Variants in PLEKHM3 observed in about 807,000 individuals in gnomAD.
The protein encoded by PLEKHM3 is pleckstrin homology domain-containing family M member 3.
A neutral mutation model predicts 81.8 loss-of-function variants in PLEKHM3; 45 were observed. The observed-to-expected ratio is 0.55, with a 90% confidence interval of 0.43 to 0.71. The LOEUF is 0.71. PLEKHM3 is among the 30% of genes least tolerant of loss of function. The pLI, the probability that PLEKHM3 is intolerant of heterozygous loss-of-function variation, is 0.00. For missense variants in PLEKHM3, 788 were observed against 924.3 expected (o/e 0.85, Z 1.91); for synonymous variants, 352 against 356.4 (o/e 0.99, Z 0.14).
At chr2:208,008,006 T>A (rs1473870482) in intron 1 of PLEKHM3, among the ~76,000 whole-genome samples, 1 of 152,074 alleles carries the variant, frequency 6.6e-6, no homozygotes, top group Non-Finnish European at 1.5e-5. Flanking sequence ...TGAGCCAAGA[T>A]TGCACCACTG....
intron 6 of PLEKHM3, chr2:207,868,595 A>G (rs962298640): frequency 2.0e-5 from 3 of 152,244 alleles, no homozygotes; most frequent in Non-Finnish European, 4.4e-5. Context: ...GGTTGAGAGA[A>G]GGATCAGATT....
chr2:207,976,085 G>A lies in PLEKHM3; in HGVS notation c.1546+566C>T, dbSNP rs912469431. 6.6e-6 allele frequency among the ~76,000 whole-genome samples: 1 copy of A among 152,160 alleles called. No homozygotes were observed. Among genetic ancestry groups the A allele is most frequent in the African/African-American group, 2.4e-5 (1 of 41,424 alleles). On this transcript the variant is annotated intron_variant, in intron 3 of 7. Transcript: ENST00000427836. This position sits in a 1 kb window ranked among gnomAD's most constrained non-coding sequence, Gnocchi z 4.1. ...TCCCCATGATGGGCATAAGCCCATA[G>A]TGACTCAGTGGTCATCTGCTGAATC...
intron 2 of PLEKHM3, among the ~76,000 whole-genome samples, chr2:207,995,462 C>T (rs1306298200): frequency 6.6e-6 from 1 of 152,170 alleles, no homozygotes; most frequent in African/African-American, 2.4e-5. Context: ...GACTGAGGAC[C>T]ACTAGCTTCC....
chr2:207,870,726 C>T (rs1013477265), intron 6 of PLEKHM3, among the ~76,000 whole-genome samples: 1 of 152,236 alleles, frequency 6.6e-6, no homozygotes, highest in East Asian at 1.9e-4. Context: ...TCTGCTCAAG[C>T]TTGAAAATCC....
intron 7 of PLEKHM3, among the ~76,000 whole-genome samples, chr2:207,845,593 A>T (rs1422853606): frequency 6.6e-6 from 1 of 152,210 alleles, no homozygotes; most frequent in East Asian, 1.9e-4. Flanking sequence ...CATCTCCAAC[A>T]TATGATAAGG....
intron 5 of PLEKHM3, among the ~76,000 whole-genome samples, chr2:207,928,342 C>T (rs1689475557): frequency 6.6e-6 from 1 of 152,228 alleles, no homozygotes; most frequent in African/African-American, 2.4e-5. Flanking sequence ...CTCTCCCTTG[C>T]TCACTCCTTT....
At chr2:207,912,539 T>C (rs1688841557) in intron 5 of PLEKHM3, among the ~76,000 whole-genome samples, 1 of 152,162 alleles carries the variant, frequency 6.6e-6, no homozygotes, top group African/African-American at 2.4e-5. Context: ...GTCCAAGAGA[T>C]TTAGTGGTGG....
chr2:207,995,030 A>C (rs369535755), intron 2 of PLEKHM3, among the ~76,000 whole-genome samples: 12 of 152,074 alleles, frequency 7.9e-5, no homozygotes, highest in African/African-American at 2.7e-4. Flanking sequence ...AAGCATAATA[A>C]TTTTTTTTAA....
chr2:207,964,353 C>G (rs969435022), intron 3 of PLEKHM3, among the ~76,000 whole-genome samples: 17 of 152,286 alleles, frequency 1.1e-4, no homozygotes, highest in African/African-American at 4.1e-4. Context: ...CATCCCTACC[C>G]AAATCATACT....
intron 6 of PLEKHM3, among the ~76,000 whole-genome samples, chr2:207,865,793 A>T (rs1443097637): frequency 3.4e-4 from 13 of 37,776 alleles, no homozygotes; most frequent in African/African-American, 1.9e-3. Context: ...AAAAAAAAAA[A>T]AAAAAAAAAG....
chr2:207,889,549 T>A (rs1687989252), intron 6 of PLEKHM3, among the ~76,000 whole-genome samples: 1 of 150,922 alleles, frequency 6.6e-6, no homozygotes, highest in African/African-American at 2.4e-5. Flanking sequence ...AAACCTATAA[T>A]TTATGGAAAG....
At chr2:207,978,814 A>G (rs1474889693) in intron 2 of PLEKHM3, among the ~76,000 whole-genome samples, 1 of 152,192 alleles carries the variant, frequency 6.6e-6, no homozygotes, top group Non-Finnish European at 1.5e-5. Context: ...AGTATCAGGT[A>G]TCACTACTAA....
rs1285370872 is a variant in PLEKHM3 at position 208,001,068 on chromosome 2, G to C, written c.572C>G (p.Pro191Arg). 6.4e-7 allele frequency: 1 copy of C among 1,562,124 alleles called. No homozygotes were observed. Among genetic ancestry groups the C allele is most frequent in the Admixed American group, 1.9e-5 (1 of 51,636 alleles). Reference sequence around the variant, plus strand: ...AGCATCTTCTATCTTATTTGGTGAGGGCAACAGAAAAGATGGCCTGGTGAC... The same window carrying C: ...AGCATCTTCTATCTTATTTGGTGAGCGCAACAGAAAAGATGGCCTGGTGAC... ...PHVTRPSFLL[P>R]SPNKIEDAQG... The change falls in exon 2 of 8, where the codon CCC (proline) becomes CGC (arginine). Residue 191 changes from proline (P) to arginine (R), a missense_variant. By Grantham distance (103) the Pro-to-Arg change is moderately radical. Transcript: ENST00000427836.
At chr2:207,963,852 G>C (rs996791840) in intron 3 of PLEKHM3, among the ~76,000 whole-genome samples, 1 of 152,122 alleles carries the variant, frequency 6.6e-6, no homozygotes, top group Non-Finnish European at 1.5e-5. Flanking sequence ...ATATATAGAA[G>C]AAATAGTTAA....
intron 6 of PLEKHM3, among the ~76,000 whole-genome samples, chr2:207,884,427 T>C (rs529551703): frequency 1.3e-5 from 2 of 152,306 alleles, no homozygotes; most frequent in South Asian, 2.1e-4. Flanking sequence ...CAAGATCTGG[T>C]ATACAGGAAA....
At chr2:207,953,160 C>T (rs544751039) in intron 3 of PLEKHM3, among the ~76,000 whole-genome samples, 3 of 105,992 alleles carry the variant, frequency 2.8e-5, no homozygotes, top group African/African-American at 5.8e-5. Flanking sequence ...ATTGCTAATG[C>T]GGATAGTATG....
At chr2:207,936,001 C>T (rs1383421027) in intron 4 of PLEKHM3, among the ~76,000 whole-genome samples, 1 of 152,170 alleles carries the variant, frequency 6.6e-6, no homozygotes, top group Admixed American at 6.5e-5. Flanking sequence ...ATTTTAGAGA[C>T]AAGGTTTTGC....
intron 2 of PLEKHM3, among the ~76,000 whole-genome samples, chr2:207,982,578 C>CTTTT (rs34116964): frequency 7.7e-6 from 1 of 129,158 alleles, no homozygotes; most frequent in African/African-American, 2.9e-5. Context: ...CATTGATTTT[C>CTTTT]TTTTTTTTTT....
intron 7 of PLEKHM3, among the ~76,000 whole-genome samples, chr2:207,835,377 T>G (rs1184074698): frequency 1.3e-5 from 2 of 152,196 alleles, no homozygotes; most frequent in African/African-American, 4.8e-5. Context: ...ACAGGGGTCT[T>G]GGGTAAGTTA....
Sources: gnomAD v4.1 joint callset for allele counts (sites outside exome capture counted in the v4.1 genomes callset) on GRCh38, gnomAD v4.1.1 for gene constraint, Gnocchi (gnomAD v3.1) non-coding constraint, MANE v1.5 for transcripts, NCBI Gene and HGNC (gene_info 2026-07-23, HGNC 2026-07-21) for gene names.